Variants in STPG2 observed in about 807,000 individuals in gnomAD.
STPG2 encodes the protein sperm tail PG-rich repeat containing 2, also known as sperm-tail PG-rich repeat-containing protein 2.
A neutral mutation model predicts 54.2 loss-of-function variants in STPG2; 56 were observed. The observed-to-expected ratio is 1.03, with a 90% CI of 0.83 to 1.29. The LOEUF is 1.29. STPG2 is among the 50% of genes most tolerant of loss of function. STPG2 has a pLI of 0.00. For missense variants in STPG2, 596 were observed against 544.9 expected (o/e 1.09, Z -0.93); for synonymous variants, 200 against 181.8 (o/e 1.10, Z -0.81).
chr4:97,640,763 GA>G (rs1721741578), intron 10 of STPG2, among the ~76,000 whole-genome samples: 1 of 151,290 alleles, frequency 6.6e-6, no homozygotes, highest in African/African-American at 2.4e-5. Flanking sequence ...CTTTCATATT[GA>G]AAATTAAAGA....
chr4:98,017,918 G>A (rs1736020488), intron 5 of STPG2, among the ~76,000 whole-genome samples: 1 of 152,050 alleles, frequency 6.6e-6, no homozygotes, highest in South Asian at 2.1e-4. Context: ...GAAAATACTT[G>A]CTTCTCTTCC....
intron 8 of STPG2, among the ~76,000 whole-genome samples, chr4:97,897,038 C>T (rs886940705): frequency 2.0e-5 from 3 of 151,702 alleles, no homozygotes; most frequent in Admixed American, 2.0e-4. Flanking sequence ...AGTTATTATT[C>T]CTGATCCTCT....
At chr4:97,594,662 CTA>C (rs925435400) in intron 10 of STPG2, among the ~76,000 whole-genome samples, 2 of 152,082 alleles carry the variant, frequency 1.3e-5, no homozygotes, top group African/African-American at 4.8e-5. Context: ...TTCTGAGAAA[CTA>C]TACAAAATGA....
chr4:97,945,584 G>C (rs1017235235), intron 7 of STPG2, among the ~76,000 whole-genome samples: 1 of 151,990 alleles, frequency 6.6e-6, no homozygotes, highest in African/African-American at 2.4e-5. Flanking sequence ...CCAGTAGTGG[G>C]ATTACTAGAT....
At chr4:97,790,091 A>G (rs1726946128) in intron 9 of STPG2, among the ~76,000 whole-genome samples, 1 of 152,058 alleles carries the variant, frequency 6.6e-6, no homozygotes, top group Non-Finnish European at 1.5e-5. Flanking sequence ...TTATGTCTCT[A>G]TTTGCTTTTA....
chr4:97,954,360 G>A (rs1160136875), intron 7 of STPG2, among the ~76,000 whole-genome samples: 1 of 152,184 alleles, frequency 6.6e-6, no homozygotes, highest in Non-Finnish European at 1.5e-5. Flanking sequence ...AGGCAACAGA[G>A]TAAAAATTTG....
intron 10 of STPG2, among the ~76,000 whole-genome samples, chr4:97,598,910 C>A (rs142553372): frequency 0.012 from 1,805 of 152,002 alleles, 25 homozygotes; most frequent in African/African-American, 0.022. Flanking sequence ...ACAACAACAA[C>A]AAAAAAATGA....
At chr4:97,898,645 G>A (rs1731052081) in intron 8 of STPG2, among the ~76,000 whole-genome samples, 1 of 151,496 alleles carries the variant, frequency 6.6e-6, no homozygotes, top group African/African-American at 2.4e-5. Context: ...CCATGAGGAG[G>A]CATTTAGTTT....
At chr4:97,874,683 T>A (rs544648510) in intron 8 of STPG2, among the ~76,000 whole-genome samples, 1 of 151,948 alleles carries the variant, frequency 6.6e-6, no homozygotes. Context: ...ATGTTCTTGA[T>A]GTTCTTGTAT....
chr4:98,139,687 T>C (rs1270323282), intron 1 of STPG2, among the ~76,000 whole-genome samples: 2 of 152,150 alleles, frequency 1.3e-5, no homozygotes, highest in South Asian at 2.1e-4. Flanking sequence ...AAACAAAATG[T>C]ATAGGATGCA....
At chr4:97,900,028 AC>A (rs1215468689) in intron 8 of STPG2, among the ~76,000 whole-genome samples, 2 of 152,044 alleles carry the variant, frequency 1.3e-5, no homozygotes, top group Non-Finnish European at 2.9e-5. Context: ...TATGCATCTG[AC>A]AAAGGTCTAA....
intron 8 of STPG2, among the ~76,000 whole-genome samples, chr4:97,912,234 T>A (rs1280132694): frequency 6.6e-6 from 1 of 151,920 alleles, no homozygotes; most frequent in Non-Finnish European, 1.5e-5. Flanking sequence ...ACAAAAACAC[T>A]GAAAAGTCAA....
At chr4:97,667,888 A>G (rs1273892406) in intron 10 of STPG2, among the ~76,000 whole-genome samples, 1 of 152,328 alleles carries the variant, frequency 6.6e-6, no homozygotes, top group African/African-American at 2.4e-5. Context: ...CAATGGCAAG[A>G]TTGCTCATTG....
intron 10 of STPG2, among the ~76,000 whole-genome samples, chr4:97,605,819 G>GAA (rs148109387): frequency 3.4e-5 from 5 of 145,284 alleles, no homozygotes; most frequent in East Asian, 2.0e-4. Flanking sequence ...ACAAAAAAAA[G>GAA]AAAAAAAAAA....
At chr4:97,570,980 T>C (rs1732585527) in intron 10 of STPG2, among the ~76,000 whole-genome samples, 1 of 152,160 alleles carries the variant, frequency 6.6e-6, no homozygotes, top group African/African-American at 2.4e-5. Flanking sequence ...CCTGCAGAAC[T>C]TAATCTCAAC....
intron 4 of STPG2, among the ~76,000 whole-genome samples, chr4:97,492,688 C>G (rs570666486): frequency 6.7e-6 from 1 of 149,962 alleles, no homozygotes; most frequent in East Asian, 2.0e-4. Flanking sequence ...TGGGGGTTGG[C>G]AGATTTTATA....
At chr4:97,638,467 T>G (rs928067188) in intron 10 of STPG2, among the ~76,000 whole-genome samples, 1 of 152,100 alleles carries the variant, frequency 6.6e-6, no homozygotes, top group Non-Finnish European at 1.5e-5. Flanking sequence ...CCAAAAGCTA[T>G]GGCAACAAAA....
At chr4:97,577,641 C>A (rs1272866767) in intron 10 of STPG2, among the ~76,000 whole-genome samples, 1 of 152,094 alleles carries the variant, frequency 6.6e-6, no homozygotes, top group African/African-American at 2.4e-5. Context: ...ATGCTCAGTA[C>A]ATGGGTGACA....
At chr4:97,758,478 T>C (rs1725794966) in intron 9 of STPG2, among the ~76,000 whole-genome samples, 1 of 152,142 alleles carries the variant, frequency 6.6e-6, no homozygotes, top group African/African-American at 2.4e-5. Flanking sequence ...TGCAGGGACA[T>C]GGATGAAGCT....
Sources: allele counts gnomAD v4.1 joint callset (sites outside exome capture counted in the v4.1 genomes callset), GRCh38; gene constraint gnomAD v4.1.1; transcripts MANE v1.5; gene names NCBI Gene and HGNC (gene_info 2026-07-23, HGNC 2026-07-21).